Variants in CCDC138 observed in about 807,000 individuals in gnomAD.
CCDC138 encodes the protein coiled-coil domain containing 138, also known as coiled-coil domain-containing protein 138.
In CCDC138, 66 loss-of-function variants were observed where a neutral mutation model predicts 82.3. The observed-to-expected ratio is 0.80, with a 90% CI of 0.66 to 0.98. The LOEUF (loss-of-function observed/expected upper bound fraction) is 0.98, where lower values mean the gene tolerates loss of function less well. Among genes scored for constraint, CCDC138 ranks in the 50% least tolerant of loss-of-function variants. The probability of loss-of-function intolerance (pLI) is 0.00; values close to 1 mark genes in which losing one functional copy is unlikely to be tolerated. For missense variants in CCDC138, 816 were observed against 758.9 expected, an observed-to-expected ratio of 1.08 and a Z score of -0.88; for synonymous variants, 297 against 265.4, an observed-to-expected ratio of 1.12 and a Z score of -1.16.
At chr2:108,881,772 C>A (rs1450883977) in intron 1 of CCDC138, among the ~76,000 whole-genome samples, 3 of 152,184 alleles carry the variant, frequency 2.0e-5, no homozygotes, top group Non-Finnish European at 2.9e-5. Context: ...GCAGTCATAA[C>A]ACACAAATTC....
intron 4 of CCDC138, among the ~76,000 whole-genome samples, chr2:108,793,574 C>T (rs1558967028): frequency 6.6e-6 from 1 of 151,856 alleles, no homozygotes. Context: ...TACTTATATA[C>T]CCTCAGGAAA....
rs1487223164 is a variant in CCDC138 at position 108,846,949 on chromosome 2, T to C, written c.1516+19T>C. 7.5e-7 allele frequency: 1 copy of C among 1,340,296 alleles called. No homozygotes were observed. The highest frequency in any genetic ancestry group is 2.0e-5 in the Admixed American group (1 of 50,616). The allele number at this position is 1,340,296 out of a possible 1,614,324, so 83.0% of individuals were successfully genotyped here. ...ACTCAAGGTAAGCTTTCAATTGTAC[T>C]TATGGTTAATTTTGAGAAACAATAG... On this transcript the variant is annotated intron_variant, in intron 12 of 14. Transcript: ENST00000295124.
downstream of CCDC138, chr2:108,878,605 C>T (rs1396144443): frequency 1.2e-5 from 2 of 161,634 alleles, no homozygotes; most frequent in Admixed American, 6.1e-5. Context: ...TGTGTATATG[C>T]TCTGCAGTAG....
chr2:108,824,399 T>G (rs1686220736), intron 10 of CCDC138, among the ~76,000 whole-genome samples: 2 of 152,334 alleles, frequency 1.3e-5, no homozygotes, highest in East Asian at 1.9e-4. Context: ...TGTTAAAAAC[T>G]AAGACACAAA....
At chr2:108,808,482 A>G (rs1683227469) in intron 7 of CCDC138, among the ~76,000 whole-genome samples, 1 of 152,152 alleles carries the variant, frequency 6.6e-6, no homozygotes, top group Non-Finnish European at 1.5e-5. Context: ...CCCACCAACA[A>G]TGTAAAAGAG....
intron 4 of CCDC138, among the ~76,000 whole-genome samples, chr2:108,794,106 A>C (rs927934385): frequency 6.6e-6 from 1 of 152,224 alleles, no homozygotes; most frequent in Non-Finnish European, 1.5e-5. Context: ...TAAAATATAA[A>C]AGGCAAAACA....
At chr2:108,884,197 C>G (rs1696370226) in intron 2 of CCDC138, 1 of 152,512 alleles carries the variant, frequency 6.6e-6, no homozygotes, top group Admixed American at 6.5e-5. Context: ...GCCACTGCAC[C>G]TGCCCAATGA....
At chr2:108,829,475 G>T (rs1400367525) in intron 10 of CCDC138, among the ~76,000 whole-genome samples, 1 of 152,210 alleles carries the variant, frequency 6.6e-6, no homozygotes, top group Admixed American at 6.5e-5. Flanking sequence ...AATAAACATG[G>T]TGGCCCATGC....
intron 7 of CCDC138, 174 bp from the exon 8 acceptor site, chr2:108,812,455 AAT>A (rs1379242319): frequency 6.5e-6 from 1 of 154,014 alleles, no homozygotes. Context: ...ACAAACCATT[AAT>A]ATTTTAGGGA....
intron 10 of CCDC138, among the ~76,000 whole-genome samples, chr2:108,828,316 G>A (rs891318316): frequency 6.6e-6 from 1 of 152,040 alleles, no homozygotes; most frequent in East Asian, 1.9e-4. Flanking sequence ...ATTTAATGAC[G>A]TAAAAACATA....
downstream of CCDC138, among the ~76,000 whole-genome samples, chr2:108,877,684 A>C (rs934740066): frequency 1.6e-4 from 25 of 152,192 alleles, no homozygotes; most frequent in Admixed American, 2.6e-4. Context: ...CTCTGAAGAA[A>C]AGAACAGAAC....
intron 10 of CCDC138, among the ~76,000 whole-genome samples, chr2:108,832,497 G>A (rs764075528): frequency 1.4e-4 from 21 of 151,700 alleles, no homozygotes; most frequent in Non-Finnish European, 2.7e-4. Context: ...ACAGGCATGC[G>A]CCACCACACC....
chr2:108,839,716 A>C (rs1689142054), intron 11 of CCDC138, among the ~76,000 whole-genome samples: 1 of 151,906 alleles, frequency 6.6e-6, no homozygotes, highest in Non-Finnish European at 1.5e-5. Flanking sequence ...TTTTTTGTTT[A>C]TTTTGTATCC....
chr2:108,816,088 C>G lies in CCDC138; in HGVS notation c.1189C>G (p.Gln397Glu). ...LKFASQRNDI[Q>E]EKCVKLLPLM... ...ATTTGCTTCCCAGAGAAATGATATT[C>G]AGGAGAAGTGTGTAAAGGTTTGTTT... is the stretch of plus-strand genomic sequence containing the variant. The change falls in exon 10 of 15, where the codon CAG becomes GAG. Residue 397 changes from glutamine (Q) to glutamate (E), a missense_variant. Physicochemically the swap from Gln to Glu is conservative, Grantham distance 29 (BLOSUM62 2). Transcript: ENST00000295124. 6.2e-7 allele frequency: 1 copy of G among 1,609,768 alleles called. No individual in the cohort carries two copies. Among genetic ancestry groups the G allele is most frequent in the South Asian group, 1.1e-5 (1 of 90,474 alleles).
At chr2:108,797,791 A>G (rs1681149562) in intron 5 of CCDC138, among the ~76,000 whole-genome samples, 1 of 152,168 alleles carries the variant, frequency 6.6e-6, no homozygotes, top group African/African-American at 2.4e-5. Context: ...GGAATATAGG[A>G]CATGATGTAT....
downstream of CCDC138, among the ~76,000 whole-genome samples, chr2:108,879,158 G>A (rs183945425): frequency 1.3e-3 from 196 of 152,300 alleles, no homozygotes; most frequent in Non-Finnish European, 2.1e-3. Context: ...TTTCTGTAGA[G>A]ACAGGGTTTT....
chr2:108,789,661 T>C (rs1679575959), intron 3 of CCDC138, among the ~76,000 whole-genome samples: 1 of 152,134 alleles, frequency 6.6e-6, no homozygotes, highest in Non-Finnish European at 1.5e-5. Flanking sequence ...TTTTACTATC[T>C]CTGGTGTGTC....
intron 5 of CCDC138, 146 bp downstream of exon 5, chr2:108,794,867 A>G: frequency 1.6e-6 from 1 of 636,130 alleles, no homozygotes; most frequent in Non-Finnish European, 2.6e-6. Context: ...AACTCAAATT[A>G]TAGGGACTAA....
At chr2:108,806,411 A>C (rs544622443) in intron 7 of CCDC138, among the ~76,000 whole-genome samples, 1 of 152,282 alleles carries the variant, frequency 6.6e-6, no homozygotes, top group African/African-American at 2.4e-5. Context: ...AAATATTTGG[A>C]CCTATTGATA....
Sources: allele counts gnomAD v4.1 joint callset (sites outside exome capture counted in the v4.1 genomes callset), GRCh38; gene constraint gnomAD v4.1.1; transcripts MANE v1.5; gene names NCBI Gene and HGNC (gene_info 2026-07-23, HGNC 2026-07-21).